The following KLK10 variants were observed in gnomAD, a reference collection of about 807,000 sequenced individuals.
KLK10 encodes kallikrein related peptidase 10, also known as kallikrein-10.
Under a neutral mutation model 25.7 loss-of-function variants are expected in KLK10, and 27 were observed. The ratio of observed to expected loss-of-function variants is 1.05; its 90% CI spans 0.77 to 1.45. KLK10 has a LOEUF of 1.45. Among genes scored for constraint, KLK10 ranks in the 40% most tolerant of loss-of-function variants. The probability of loss-of-function intolerance (pLI) is 0.00; values close to 1 mark genes in which losing one functional copy is unlikely to be tolerated. For missense variants in KLK10, 386 were observed against 370.0 expected, an observed-to-expected ratio of 1.04 and a Z score of -0.35; for synonymous variants, 173 against 160.1, an observed-to-expected ratio of 1.08 and a Z score of -0.61.
rs372790291 is a variant in KLK10, at chr19:51,016,012, G to T, written c.414C>A (p.Leu138=). ...ILPRRTDEHD[L]MLLKLARPVV... ...CGGGCCTGGCCAGCTTCAGCAACAT[G>T]AGATCGTGCTCATCCGTTCGCCTTG... Residue 138 remains leucine (L), a synonymous_variant, in exon 4 of 6, where the codon CTC becomes CTA. Transcript: ENST00000358789. 5 of 1,567,042 alleles carry T rather than the reference G, an allele frequency of 3.2e-6. No homozygotes were observed. The African/African-American group carries it at 4.1e-5, about 13-fold the overall frequency.
Position 51,015,529 on chromosome 19 carries a change from G to A in KLK10, c.566C>T (p.Thr189Ile). 1.9e-6 allele frequency: 3 copies of A among 1,613,932 alleles called. No individual in the cohort carries two copies. Among genetic ancestry groups the A allele is most frequent in the East Asian group, 2.2e-5 (1 of 44,880 alleles). The part of the protein sequence containing the change: ...ARRVKYNKGL[T>I]CSSITILSPK... ...GCTCAGGATAGTGATGCTGGAGCAG[G>A]TCAGGCCCTTGTTGTACTTCACTGA... The change falls in exon 5 of 6, where the codon ACC (threonine) becomes ATC (isoleucine). Residue 189 changes from threonine (T) to isoleucine (I), a missense_variant. By Grantham distance (89) the Thr-to-Ile change is moderately conservative. Coordinates refer to ENST00000358789, the MANE Select transcript of KLK10 (RefSeq NM_145888.3).
Position 51,017,260 on chromosome 19 carries a change from T to TC in KLK10, c.118dup (p.Asp40GlyfsTer60). On this transcript the variant is annotated frameshift_variant, in exon 3 of 6. Transcript: ENST00000358789. LOFTEE classifies it high-confidence loss of function. Reference sequence around the variant, plus strand: ...ATAGGCTTCGGGGTCCAAGCGCGTGTCGTTTTGGGGGAGCAGCGCCGCCTC... The same window carrying TC: ...ATAGGCTTCGGGGTCCAAGCGCGTGTCCGTTTTGGGGGAGCAGCGCCGCCTC... 6.2e-7 allele frequency: 1 copy of TC among 1,609,732 alleles called. No individual in the cohort carries two copies. The highest frequency in any genetic ancestry group is 1.3e-5 in the African/African-American group (1 of 74,820).
Position 51,014,647 on chromosome 19 carries a change from T to C in KLK10, c.*153A>G. The C allele has an allele frequency of 3.2e-6, 2 of 616,444 alleles. No homozygotes were observed. Among genetic ancestry groups the C allele is most frequent in the South Asian group, 2.1e-5 (1 of 46,864 alleles). The allele number at this position is 616,444 out of a possible 1,614,324, so 38.2% of individuals were successfully genotyped here. A position where few individuals can be genotyped will look rare whatever the true frequency, so the allele number is the denominator to read the frequency against. ...TGGGGGAATGAGGTGAGAGGGGAGATGTTTAGAGGTGTGGAGGGCGGCAGA... is the reference window on the plus strand; with the variant it reads ...TGGGGGAATGAGGTGAGAGGGGAGACGTTTAGAGGTGTGGAGGGCGGCAGA... On this transcript the variant is annotated 3_prime_UTR_variant, in exon 6 of 6. Coordinates refer to ENST00000358789, the MANE Select transcript of KLK10 (RefSeq NM_145888.3).
chr19:51,016,438 G>A (rs772926918), intron 3 of KLK10, among the ~76,000 whole-genome samples: 5 of 151,938 alleles, frequency 3.3e-5, no homozygotes, highest in Non-Finnish European at 7.4e-5. Flanking sequence ...TTGTCACCCA[G>A]GCTAGAATGC....
chr19:51,017,077 C>A, intron 3 of KLK10, 33 bp downstream of exon 3: 2 of 1,535,954 alleles, frequency 1.3e-6, no homozygotes, highest in Non-Finnish European at 1.8e-6. Flanking sequence ...CCACAGCCCC[C>A]CGTGGCGTCC....
At chr19:51,015,828 C>T (rs2091318657) in intron 4 of KLK10, 54 bp downstream of exon 4, 1 of 1,438,598 alleles carries the variant, frequency 7.0e-7, no homozygotes, top group Non-Finnish European at 9.2e-7. Flanking sequence ...CCCAGGGGTT[C>T]AGGCCCTCAG....
intron 2 of KLK10, 139 bp from the exon 3 acceptor site, chr19:51,017,429 G>C: frequency 1.3e-6 from 1 of 744,552 alleles, no homozygotes. Flanking sequence ...AATATTGGGG[G>C]TTTCGCGTGC....
rs769180250 is a variant in KLK10 at position 51,014,895 on chromosome 19, C to A, written c.736G>T (p.Gly246Cys). The change falls in exon 6 of 6, where the codon GGT (glycine) becomes TGT (cysteine). Residue 246 changes from glycine to cysteine, a missense_variant. By Grantham distance (159) the Gly-to-Cys change is radical. Transcript: ENST00000358789. Reference protein sequence around the residue: ...DETLQGILSWGVYPCGSAQHP... With the variant: ...DETLQGILSWCVYPCGSAQHP... ...TGGGCAGAGCCACAGGGGTAAACAC[C>A]CCACGAGAGGATGCCTTGGAGGGTC... 1 of 1,613,966 alleles carries A rather than the reference C, an allele frequency of 6.2e-7. No individual in the cohort carries two copies.
intron 5 of KLK10, among the ~76,000 whole-genome samples, 192 bp from the exon 6 acceptor site, chr19:51,015,144 G>A (rs1473276531): frequency 6.6e-6 from 1 of 152,012 alleles, no homozygotes; most frequent in East Asian, 1.9e-4. Flanking sequence ...TTGGGCTGGG[G>A]GATGAGAATG....
chr19:51,014,792 C>T lies in KLK10; in HGVS notation c.*8G>A, dbSNP rs117025461. ...AACATCTGGATCAGCTGGAGCGTAG[C>T]ATCTGGATCAGTTGGAGCGTATGAC... is the stretch of plus-strand genomic sequence containing the variant. On this transcript the variant is annotated 3_prime_UTR_variant, in exon 6 of 6. Coordinates refer to ENST00000358789, the MANE Select transcript of KLK10 (RefSeq NM_145888.3). The T allele has an allele frequency of 0.054, 85,175 of 1,576,986 alleles. 2,654 individuals are homozygous for T. Among genetic ancestry groups the T allele is most frequent in the Non-Finnish European group, 0.061 (70,921 of 1,153,352 alleles).
chr19:51,014,571 G>A lies in KLK10; in HGVS notation c.*229C>T. The A allele has an allele frequency of 2.5e-6, 1 of 398,964 alleles. No individual in the cohort carries two copies. Among genetic ancestry groups the A allele is most frequent in the Non-Finnish European group, 4.5e-6 (1 of 221,258 alleles). The allele number at this position is 398,964 out of a possible 1,614,324, so 24.7% of individuals were successfully genotyped here. A position where few individuals can be genotyped will look rare whatever the true frequency, so the allele number is the denominator to read the frequency against. On this transcript the variant is annotated 3_prime_UTR_variant, in exon 6 of 6. Coordinates refer to ENST00000358789, the MANE Select transcript of KLK10 (RefSeq NM_145888.3). ...CCTGGCTTCTCTGGAATAAACCTTT[G>A]CCACCACTTCCTGCATTTCAGCTTC...
chr19:51,018,191 G>GAAAAAAAAAAAAAAAAAAAAAA (rs2091358485), intron 2 of KLK10, among the ~76,000 whole-genome samples: 1 of 74,574 alleles, frequency 1.3e-5, no homozygotes, highest in Non-Finnish European at 2.7e-5. Context: ...AAAAAAGAAG[G>GAAAAAAAAAAAAAAAAAAAAAA]AAAGAAAAAG....
At chr19:51,018,304 AAAG>A (rs1443482770) in intron 2 of KLK10, among the ~76,000 whole-genome samples, 5 of 151,568 alleles carry the variant, frequency 3.3e-5, no homozygotes, top group Non-Finnish European at 5.9e-5. Context: ...GAAGGAAGGA[AAAG>A]AAGAACGAAA....
rs1061368 is a variant in KLK10 at position 51,016,090 on chromosome 19, G to T, written c.336C>A (p.Thr112=). The change falls in exon 4 of 6, where the codon ACC becomes ACA. Residue 112 remains threonine (T), a synonymous_variant. Coordinates refer to ENST00000358789, the MANE Select transcript of KLK10 (RefSeq NM_145888.3). ...LLLQGEQLRR[T]TRSVVHPKYH... ...ACTTGGGATGGACAACAGAGCGAGT[G>T]GTCCGGCGGAGCTGCTCTCCCTGAA... 1.9e-6 allele frequency: 3 copies of T among 1,576,528 alleles called. No homozygotes were observed. Among genetic ancestry groups the T allele is most frequent in the African/African-American group, 1.4e-5 (1 of 73,896 alleles).
At chr19:51,016,392 TC>T (rs1474973854) in intron 3 of KLK10, among the ~76,000 whole-genome samples, 1 of 151,984 alleles carries the variant, frequency 6.6e-6, no homozygotes, top group Non-Finnish European at 1.5e-5. Flanking sequence ...TTTTCTTTTC[TC>T]TTTTTCTTTT....
chr19:51,018,893 G>T (rs1168044728), intron 2 of KLK10, 150 bp downstream of exon 2: 20 of 646,330 alleles, frequency 3.1e-5, no homozygotes, highest in Non-Finnish European at 5.2e-5. Flanking sequence ...GGGCCCAGCT[G>T]ACTTGGGGGC....
In KLK10 at chr19:51,013,417, C is replaced by A. The variant is rs2091287086; in HGVS notation, c.*1383G>T. The stretch of plus-strand genomic sequence containing the variant: ...CTTCAAAGTTCAGGATAAGCTGAGA[C>A]ACTCAAACTTCTTCTTTTTTTGAGA... On this transcript the variant is annotated 3_prime_UTR_variant, in exon 6 of 6. Transcript: ENST00000358789. 1 of 152,210 alleles carries A rather than the reference C, an allele frequency of 6.6e-6. No homozygotes were observed. Among genetic ancestry groups the A allele is most frequent in the African/African-American group, 2.4e-5 (1 of 41,450 alleles). The allele number at this position is 152,210 out of a possible 1,614,324, so 9.4% of individuals were successfully genotyped here.
At chr19:51,015,236 G>A (rs998181941) in intron 5 of KLK10, among the ~76,000 whole-genome samples, 181 bp downstream of exon 5, 1 of 151,854 alleles carries the variant, frequency 6.6e-6, no homozygotes, top group Non-Finnish European at 1.5e-5. Flanking sequence ...GGAATGGGGT[G>A]GGGTTGGGAT....
intron 4 of KLK10, 105 bp downstream of exon 4, chr19:51,015,777 T>C: frequency 8.1e-7 from 1 of 1,239,314 alleles, no homozygotes. Context: ...CCGTCCTCCC[T>C]CAGATCCAGG....
Sources: gnomAD v4.1 joint callset for allele counts (sites outside exome capture counted in the v4.1 genomes callset) on GRCh38, gnomAD v4.1.1 for gene constraint, MANE v1.5 for transcripts, NCBI Gene and HGNC (gene_info 2026-07-23, HGNC 2026-07-21) for gene names.